The following ITGB3BP variants were observed in gnomAD, a reference collection of about 807,000 sequenced individuals.
ITGB3BP encodes integrin subunit beta 3 binding protein, also known as centromere protein R.
ITGB3BP carries 27 observed loss-of-function variants against 29.1 expected under a neutral mutation model. That is an observed-to-expected ratio of 0.93 (90% CI 0.68 to 1.28). The LOEUF is 1.28. Among genes scored for constraint, ITGB3BP ranks in the 50% most tolerant of loss-of-function variants. The probability of loss-of-function intolerance (pLI) is 0.00; values close to 1 mark genes in which losing one functional copy is unlikely to be tolerated. For missense variants in ITGB3BP, 192 were observed against 200.2 expected (o/e 0.96, Z 0.25); for synonymous variants, 61 against 61.4 (o/e 0.99, Z 0.03).
At chr1:63,472,438 CCCTCT>C (rs1194145531) in intron 4 of ITGB3BP, among the ~76,000 whole-genome samples, 4 of 105,992 alleles carry the variant, frequency 3.8e-5, no homozygotes, top group East Asian at 7.6e-4. Context: ...TCCACCCTCT[CCCTCT>C]CCCTCTCCCC....
chr1:63,461,995 CA>C (rs948010893), intron 4 of ITGB3BP, among the ~76,000 whole-genome samples: 41 of 152,158 alleles, frequency 2.7e-4, no homozygotes, highest in African/African-American at 9.6e-4. Context: ...TCCATTTCTG[CA>C]AAAAGTGCTG....
chr1:63,475,555 T>C (rs945959637), intron 4 of ITGB3BP, among the ~76,000 whole-genome samples: 3 of 150,664 alleles, frequency 2.0e-5, no homozygotes, highest in Non-Finnish European at 4.4e-5. Flanking sequence ...ACTCTGTTTC[T>C]TAAGAAAAAC....
At chr1:63,456,729 T>C (rs1161341310) in intron 4 of ITGB3BP, among the ~76,000 whole-genome samples, 8 of 152,142 alleles carry the variant, frequency 5.3e-5, no homozygotes, top group African/African-American at 1.4e-4. Flanking sequence ...TGTTAACCCA[T>C]AGGGAATTGT....
At chr1:63,449,302 GC>G (rs1473526195) in intron 7 of ITGB3BP, 1 of 152,430 alleles carries the variant, frequency 6.6e-6, no homozygotes, top group Admixed American at 6.6e-5. Context: ...ATGTCTGATA[GC>G]AAGTTATTTA....
chr1:63,515,546 C>G (rs541351991), intron 1 of ITGB3BP, among the ~76,000 whole-genome samples: 1 of 151,904 alleles, frequency 6.6e-6, no homozygotes, highest in Non-Finnish European at 1.5e-5. Flanking sequence ...TACCATTCAA[C>G]GCCAGGCACG....
intron 3 of ITGB3BP, among the ~76,000 whole-genome samples, chr1:63,481,091 C>G (rs1256581722): frequency 6.6e-6 from 1 of 152,110 alleles, no homozygotes. Context: ...GCTCCTTTAA[C>G]TTGTAATTCA....
intron 4 of ITGB3BP, among the ~76,000 whole-genome samples, chr1:63,468,668 C>T (rs1016534236): frequency 6.6e-6 from 1 of 151,938 alleles, no homozygotes. Flanking sequence ...TCAAGACCAG[C>T]CTGACCAACA....
At chr1:63,452,687 A>G (rs888921517) in intron 7 of ITGB3BP, among the ~76,000 whole-genome samples, 1 of 149,238 alleles carries the variant, frequency 6.7e-6, no homozygotes, top group African/African-American at 2.5e-5. Context: ...GCCACCTTTC[A>G]TGTTCTTAAA....
At chr1:63,475,293 G>A (rs1645315748) in intron 4 of ITGB3BP, among the ~76,000 whole-genome samples, 2 of 152,104 alleles carry the variant, frequency 1.3e-5, no homozygotes, top group Admixed American at 1.3e-4. Flanking sequence ...CATTTAATTT[G>A]AGATTTACAA....
intron 4 of ITGB3BP, among the ~76,000 whole-genome samples, chr1:63,464,942 G>T (rs558586705): frequency 1.3e-5 from 2 of 152,236 alleles, no homozygotes; most frequent in East Asian, 3.9e-4. Flanking sequence ...AATTGTTCTA[G>T]ATTGAAGGAA....
chr1:63,442,052 G>A (rs1449431823), intron 8 of ITGB3BP, among the ~76,000 whole-genome samples: 2 of 152,176 alleles, frequency 1.3e-5, no homozygotes, highest in East Asian at 3.8e-4. Flanking sequence ...TTGCACCATT[G>A]CAGTCCAGCC....
chr1:63,482,442 T>TA (rs1421385528), intron 3 of ITGB3BP, among the ~76,000 whole-genome samples: 2 of 151,940 alleles, frequency 1.3e-5, no homozygotes, highest in Admixed American at 1.3e-4. Context: ...GAGGTTCAAG[T>TA]GATTTGTTCA....
upstream of ITGB3BP, chr1:63,525,726 G>A: frequency 6.4e-7 from 1 of 1,571,240 alleles, no homozygotes. Context: ...AAGCAGCTTG[G>A]AAAACATTAT....
At position 63,453,862 on chromosome 1, in the gene ITGB3BP, T is replaced by C. The variant is rs544715039; in HGVS notation, c.484+56A>G. 1.5e-4 allele frequency: 156 copies of C among 1,041,124 alleles called. 4 individuals are homozygous for C. The South Asian group carries it at 2.0e-3, about 13-fold the overall frequency. 64.5% of individuals were successfully genotyped at this position (1,041,124 alleles called of 1,614,324 possible). A position where few individuals can be genotyped will look rare whatever the true frequency, so the allele number is the denominator to read the frequency against. ...AAGGATTCATGATGATTAGTTTTAATTGGCAAAATGGGATGAAAGCATCTT... is the reference window on the plus strand; with the variant it reads ...AAGGATTCATGATGATTAGTTTTAACTGGCAAAATGGGATGAAAGCATCTT... On this transcript the variant is annotated intron_variant, in intron 7 of 8. Coordinates refer to ENST00000271002, the MANE Select transcript of ITGB3BP (RefSeq NM_014288.5).
intron 2 of ITGB3BP, among the ~76,000 whole-genome samples, chr1:63,502,891 A>C (rs1645974003): frequency 6.6e-6 from 1 of 151,978 alleles, no homozygotes; most frequent in Non-Finnish European, 1.5e-5. Flanking sequence ...TATGTGACAC[A>C]TTTTCTTAAT....
intron 4 of ITGB3BP, among the ~76,000 whole-genome samples, chr1:63,475,153 A>G (rs988355154): frequency 5.9e-5 from 9 of 152,166 alleles, no homozygotes; most frequent in Middle Eastern, 6.8e-3. Flanking sequence ...TTAAAAAAAA[A>G]TTTTGTAGAG....
chr1:63,454,608 G>A lies in ITGB3BP; in HGVS notation c.334-135C>T. 2.1e-6 allele frequency: 1 copy of A among 481,210 alleles called. No homozygotes were observed. The highest frequency in any genetic ancestry group is 5.5e-5 in the South Asian group (1 of 18,166). The allele number at this position is 481,210 out of a possible 1,614,324, so 29.8% of individuals were successfully genotyped here. On this transcript the variant is annotated intron_variant, in intron 5 of 8. Coordinates refer to ENST00000271002, the MANE Select transcript of ITGB3BP (RefSeq NM_014288.5). The surrounding 1 kb of genome is among the most constrained non-coding windows in gnomAD (Gnocchi z 4.1). ...TATGTTAGGATATTTAACTGTTTCT[G>A]GCAGGCCAACTATTTCAAGCCCAAA...
intron 4 of ITGB3BP, among the ~76,000 whole-genome samples, chr1:63,461,647 T>C (rs1012284177): frequency 5.3e-5 from 8 of 152,270 alleles, no homozygotes; most frequent in African/African-American, 1.9e-4. Context: ...TTTTTACATA[T>C]GCTGTGAGGT....
intron 4 of ITGB3BP, among the ~76,000 whole-genome samples, chr1:63,477,347 T>C (rs756884714): frequency 1.3e-4 from 20 of 152,218 alleles, no homozygotes; most frequent in Non-Finnish European, 2.1e-4. Context: ...CTGAGTTCCA[T>C]GTAAATGACT....
Sources: gnomAD v4.1 joint callset for allele counts (sites outside exome capture counted in the v4.1 genomes callset) on GRCh38, gnomAD v4.1.1 for gene constraint, Gnocchi (gnomAD v3.1) non-coding constraint, MANE v1.5 for transcripts, NCBI Gene and HGNC (gene_info 2026-07-23, HGNC 2026-07-21) for gene names.